The following C1orf167 variants were observed in gnomAD, a reference collection of about 807,000 sequenced individuals.
C1orf167 encodes the protein uncharacterized protein C1orf167.
C1orf167 carries 153 observed loss-of-function variants against 176.5 expected under a neutral mutation model. That is an observed-to-expected ratio of 0.87 (90% CI 0.76 to 0.99). The LOEUF is 0.99. Among genes scored for constraint, C1orf167 ranks in the 50% least tolerant of loss-of-function variants. The pLI, the probability that C1orf167 is intolerant of heterozygous loss-of-function variation, is 0.00. For missense variants in C1orf167, 1,490 were observed against 1,817.7 expected, an observed-to-expected ratio of 0.82 and a Z score of 3.28; for synonymous variants, 594 against 752.7, an observed-to-expected ratio of 0.79 and a Z score of 3.45.
chr1:11,776,788 C>CA, intron 10 of C1orf167, 150 bp downstream of exon 10: 2 of 755,194 alleles, frequency 2.6e-6, no homozygotes, highest in Non-Finnish European at 3.6e-6. Context: ...TGCACAGGGC[C>CA]TGGCACACTG....
Position 11,785,305 on chromosome 1 carries a change from C to A in C1orf167, c.3567+16C>A, listed in dbSNP as rs1411504464. The A allele has an allele frequency of 2.4e-6, 3 of 1,269,648 alleles. No individual in the cohort carries two copies. Among genetic ancestry groups the A allele is most frequent in the Non-Finnish European group, 3.1e-6 (3 of 973,368 alleles). 78.6% of individuals were successfully genotyped at this position (1,269,648 alleles called of 1,614,324 possible). On this transcript the variant is annotated intron_variant, in intron 16 of 20. Coordinates refer to ENST00000688073, the MANE Select transcript of C1orf167 (RefSeq NM_001010881.2). ...GGCCGGCAAGGTACGCCCCAAGCCC[C>A]AGACTGACCTCACGCTCTGGCCCCG...
In C1orf167 at chr1:11,784,266, T is replaced by G; in HGVS notation, c.3098T>G (p.Leu1033Arg). Residue 1033 changes from leucine (L) to arginine (R), a missense_variant, in exon 15 of 21, where the codon CTG (leucine) becomes CGG (arginine). Coordinates refer to ENST00000688073, the MANE Select transcript of C1orf167 (RefSeq NM_001010881.2). ...CAGGATGGCCTGAGGAGAAGAGCAC[T>G]GGGGGCCGTGTTTGCCACATGGCGG... is the stretch of plus-strand genomic sequence containing the variant. ...AFQDGLRRRALGAVFATWREA... is the reference protein window; with the variant it reads ...AFQDGLRRRARGAVFATWREA... 1 of 1,302,798 alleles carries G rather than the reference T, an allele frequency of 7.7e-7. No homozygotes were observed. Among genetic ancestry groups the G allele is most frequent in the Non-Finnish European group, 1.0e-6 (1 of 988,162 alleles). The allele number at this position is 1,302,798 out of a possible 1,614,324, so 80.7% of individuals were successfully genotyped here.
At chr1:11,773,522 A>G (rs1329876864) in intron 8 of C1orf167, among the ~76,000 whole-genome samples, 5 of 152,034 alleles carry the variant, frequency 3.3e-5, no homozygotes, top group African/African-American at 1.2e-4. Context: ...AGCCTGGACA[A>G]CATGGTGAAA....
In C1orf167 at chr1:11,788,069, G is replaced by C. The variant is rs973347052; in HGVS notation, c.3848+22G>C. 10 of 1,285,892 alleles carry C rather than the reference G, an allele frequency of 7.8e-6. No homozygotes were observed. In the African/African-American group the frequency reaches 1.1e-4, roughly 14 times the overall value. The allele number at this position is 1,285,892 out of a possible 1,614,324, so 79.7% of individuals were successfully genotyped here. A position where few individuals can be genotyped will look rare whatever the true frequency, so the allele number is the denominator to read the frequency against. On this transcript the variant is annotated intron_variant, in intron 18 of 20. Transcript: ENST00000688073. Reference sequence around the variant, plus strand: ...TACGGTAAGAGGAGCTGTGTGTGCAGTTTGGTGGGTCCGAGGGATGGGGGC... The same window carrying C: ...TACGGTAAGAGGAGCTGTGTGTGCACTTTGGTGGGTCCGAGGGATGGGGGC...
Position 11,772,125 on chromosome 1 carries a change from G to A in C1orf167, c.1854G>A (p.Glu618=). 1 of 1,304,308 alleles carries A rather than the reference G, an allele frequency of 7.7e-7. No homozygotes were observed. 80.8% of individuals were successfully genotyped at this position (1,304,308 alleles called of 1,614,324 possible). A position where few individuals can be genotyped will look rare whatever the true frequency, so the allele number is the denominator to read the frequency against. ...AACAGAAGAAACGGGCCAGACAGGA[G>A]AGGGAGACTCTGCGGAAGGCCACCA... ...WCQQKKRARQ[E]RETLRKATRA... Residue 618 remains glutamate, a synonymous_variant, in exon 8 of 21, where the codon GAG becomes GAA. Transcript: ENST00000688073.
chr1:11,776,113 C>T (rs1000148389), intron 9 of C1orf167, among the ~76,000 whole-genome samples: 33 of 152,124 alleles, frequency 2.2e-4, no homozygotes, highest in Admixed American at 2.1e-3. Flanking sequence ...AAAACTTAGC[C>T]GGGTGTGGTG....
intron 19 of C1orf167, 75 bp downstream of exon 19, chr1:11,788,453 G>A (rs892864199): frequency 2.8e-5 from 34 of 1,225,728 alleles, no homozygotes; most frequent in Non-Finnish European, 3.4e-5. Flanking sequence ...CCTCTCAAAA[G>A]TATGGCCCTT....
rs1318167773 is a variant in C1orf167 at position 11,764,405 on chromosome 1, A to G, written c.5A>G (p.Glu2Gly). The G allele has an allele frequency of 7.8e-7, 1 of 1,289,222 alleles. No individual in the cohort carries two copies. The highest frequency in any genetic ancestry group is 1.0e-6 in the Non-Finnish European group (1 of 988,830). 79.9% of individuals were successfully genotyped at this position (1,289,222 alleles called of 1,614,324 possible). M[E>G]LRSDASHKEN... The stretch of plus-strand genomic sequence containing the variant: ...GATACTCCTGTCCCTGAGCCCATGG[A>G]GCTAAGGTCTGATGCCAGCCACAAG... The change falls in exon 2 of 21, where the codon GAG becomes GGG. Residue 2 changes from glutamate to glycine, a missense_variant. By Grantham distance (98) the Glu-to-Gly change is moderately conservative. Transcript: ENST00000688073.
At chr1:11,764,992 T>C (rs1317478162) in intron 2 of C1orf167, among the ~76,000 whole-genome samples, 3 of 135,546 alleles carry the variant, frequency 2.2e-5, no homozygotes, top group Non-Finnish European at 4.5e-5. Context: ...AGGCGGAGGT[T>C]GTAGTGAGCC....
chr1:11,784,032 AT>A, intron 14 of C1orf167, 141 bp from the exon 15 acceptor site: 2 of 714,714 alleles, frequency 2.8e-6, no homozygotes, highest in East Asian at 8.7e-5. Context: ...TAATTTTTGT[AT>A]TTTTAATAGA....
At chr1:11,772,867 C>T (rs1265811244) in intron 8 of C1orf167, among the ~76,000 whole-genome samples, 1 of 119,000 alleles carries the variant, frequency 8.4e-6, no homozygotes, top group Non-Finnish European at 1.9e-5. Flanking sequence ...TTTTTTGCTC[C>T]CTGGTGGTTA....
chr1:11,782,065 C>A, intron 13 of C1orf167, 124 bp from the exon 14 acceptor site: 1 of 873,170 alleles, frequency 1.1e-6, no homozygotes, highest in Non-Finnish European at 1.5e-6. Context: ...CTTTTTAACC[C>A]AGACAGTCAG....
chr1:11,789,283 G>C lies in C1orf167; in HGVS notation c.4187G>C (p.Trp1396Ser). 1 of 1,304,068 alleles carries C rather than the reference G, an allele frequency of 7.7e-7. No individual in the cohort carries two copies. The highest frequency in any genetic ancestry group is 1.0e-6 in the Non-Finnish European group (1 of 988,910). 80.8% of individuals were successfully genotyped at this position (1,304,068 alleles called of 1,614,324 possible). The change falls in exon 21 of 21, where the codon TGG becomes TCG. Residue 1396 changes from tryptophan to serine, a missense_variant. By Grantham distance (177) the Trp-to-Ser change is radical. Transcript: ENST00000688073. Reference sequence around the variant, plus strand: ...CCCTGGTTCCAGGCCTTTAAGAAGTGGCACCAACGCCTGGCAGCCAGGAGC... The same window carrying C: ...CCCTGGTTCCAGGCCTTTAAGAAGTCGCACCAACGCCTGGCAGCCAGGAGC... ...TAAGRWAFKK[W>S]HQRLAARSPR... is the part of the protein sequence containing the mutation.
chr1:11,779,377 A>C, intron 12 of C1orf167: 1 of 213,524 alleles, frequency 4.7e-6, no homozygotes, highest in Non-Finnish European at 9.5e-6. Flanking sequence ...TTTGCCCCTC[A>C]TTGGCTGTGT....
rs1219576062 is a variant in C1orf167 at position 11,778,899 on chromosome 1, C to T, written c.2497-27C>T. The T allele has an allele frequency of 7.7e-6, 10 of 1,299,438 alleles. No homozygotes were observed. In the South Asian group the frequency reaches 1.2e-4, roughly 16 times the overall value. 80.5% of individuals were successfully genotyped at this position (1,299,438 alleles called of 1,614,324 possible). A position where few individuals can be genotyped will look rare whatever the true frequency, so the allele number is the denominator to read the frequency against. On this transcript the variant is annotated intron_variant, in intron 11 of 20. Transcript: ENST00000688073. ...TGTGGGAAGGGGACAGGGTAGGGGA[C>T]CAAGGACTCCACATCTCCTTCCCCA...
At position 11,782,350 on chromosome 1, in the gene C1orf167, G is replaced by T. The variant is rs940031531; in HGVS notation, c.3005+17G>T. On this transcript the variant is annotated intron_variant, in intron 14 of 20. Transcript: ENST00000688073. ...ACTGCAGAGGTGGGTGGGCCTGGGG[G>T]TGGGAGGGTGTTGGTCCTCCCCACG... The T allele has an allele frequency of 1.6e-6, 2 of 1,223,874 alleles. No homozygotes were observed. Among genetic ancestry groups the T allele is most frequent in the African/African-American group, 3.2e-5 (2 of 63,110 alleles). The allele number at this position is 1,223,874 out of a possible 1,614,324, so 75.8% of individuals were successfully genotyped here. A position where few individuals can be genotyped will look rare whatever the true frequency, so the allele number is the denominator to read the frequency against.
chr1:11,763,466 G>A (rs139764575), intron 1 of C1orf167, among the ~76,000 whole-genome samples: 2,695 of 150,690 alleles, frequency 0.018, 30 homozygotes, highest in Middle Eastern at 0.042. Flanking sequence ...AAAAGGTTTT[G>A]CAGCCTAAGG....
At chr1:11,782,780 G>A (rs1312413799) in intron 14 of C1orf167, among the ~76,000 whole-genome samples, 2 of 151,992 alleles carry the variant, frequency 1.3e-5, no homozygotes, top group Non-Finnish European at 2.9e-5. Flanking sequence ...AAATTAGACG[G>A]GCATGGTGGC....
chr1:11,778,908 C>T lies in C1orf167; in HGVS notation c.2497-18C>T. 1 of 1,301,298 alleles carries T rather than the reference C, an allele frequency of 7.7e-7. No homozygotes were observed. The highest frequency in any genetic ancestry group is 1.0e-6 in the Non-Finnish European group (1 of 987,164). 80.6% of individuals were successfully genotyped at this position (1,301,298 alleles called of 1,614,324 possible). On this transcript the variant is annotated intron_variant, in intron 11 of 20. Coordinates refer to ENST00000688073, the MANE Select transcript of C1orf167 (RefSeq NM_001010881.2). Reference sequence around the variant, plus strand: ...GGGACAGGGTAGGGGACCAAGGACTCCACATCTCCTTCCCCAGGTTCCCAG... The same window carrying T: ...GGGACAGGGTAGGGGACCAAGGACTTCACATCTCCTTCCCCAGGTTCCCAG...
Sources: allele counts gnomAD v4.1 joint callset (sites outside exome capture counted in the v4.1 genomes callset), GRCh38; gene constraint gnomAD v4.1.1; transcripts MANE v1.5; gene names NCBI Gene and HGNC (gene_info 2026-07-23, HGNC 2026-07-21).